The following GALNT13 variants were observed in gnomAD, a reference collection of about 807,000 sequenced individuals.
GALNT13 encodes UDP-GalNAc:polypeptide N-acetylgalactosaminyltransferase 13.
In GALNT13, 28 loss-of-function variants were observed where a neutral mutation model predicts 64.2. The ratio of observed to expected loss-of-function variants is 0.44; its 90% confidence interval spans 0.32 to 0.60. The LOEUF is 0.60. Ranked by LOEUF, GALNT13 falls within the 20% of genes least tolerant of loss-of-function variation. The probability of loss-of-function intolerance (pLI) is 0.05; values close to 1 mark genes in which losing one functional copy is unlikely to be tolerated. For synonymous variants in GALNT13, 214 were observed against 224.6 expected (o/e 0.95, Z 0.42); for missense variants, 577 against 669.8 (o/e 0.86, Z 1.53).
chr2:154,412,664 A>C (rs1288993680), intron 11 of GALNT13, among the ~76,000 whole-genome samples: 1 of 151,782 alleles, frequency 6.6e-6, no homozygotes, highest in Non-Finnish European at 1.5e-5. Flanking sequence ...CTTACTTTTC[A>C]GTAGTTGTTA....
At chr2:153,603,957 G>C in the GALNT13 span, among the ~76,000 whole-genome samples, 1 of 151,970 alleles carries the variant, frequency 6.6e-6, no homozygotes, top group Non-Finnish European at 1.5e-5. Flanking sequence ...TGTTAGGAGA[G>C]CTTCTCCTTT....
At chr2:153,259,212 A>G in the GALNT13 span, among the ~76,000 whole-genome samples, 1 of 152,136 alleles carries the variant, frequency 6.6e-6, no homozygotes, top group African/African-American at 2.4e-5. Flanking sequence ...TTTGTCTTGA[A>G]ATCTATCTTG....
chr2:153,715,814 TTTC>T, the GALNT13 span, among the ~76,000 whole-genome samples: 10,925 of 150,640 alleles, frequency 0.073, 428 homozygotes, highest in Middle Eastern at 0.13. Flanking sequence ...AGCTCCCTCT[TTTC>T]TTCTTCTTCT....
At chr2:153,830,021 AT>A in the GALNT13 span, among the ~76,000 whole-genome samples, 1 of 152,146 alleles carries the variant, frequency 6.6e-6, no homozygotes, top group African/African-American at 2.4e-5. Flanking sequence ...TTAGTATTTC[AT>A]TTTATGAATG....
chr2:153,956,605 T>G (rs538101298), intron 3 of GALNT13, among the ~76,000 whole-genome samples: 1 of 152,282 alleles, frequency 6.6e-6, no homozygotes, highest in East Asian at 1.9e-4. Flanking sequence ...ATATCATTCC[T>G]TGCAAAATAA....
At chr2:153,499,209 C>T in the GALNT13 span, among the ~76,000 whole-genome samples, 4 of 152,082 alleles carry the variant, frequency 2.6e-5, no homozygotes, top group Non-Finnish European at 5.9e-5. Context: ...AACTGGAGGA[C>T]GAGCAAGGTG....
At chr2:153,655,634 G>C in the GALNT13 span, among the ~76,000 whole-genome samples, 1 of 152,030 alleles carries the variant, frequency 6.6e-6, no homozygotes, top group East Asian at 1.9e-4. Context: ...CAGAATTATT[G>C]ATAACTTGAA....
At chr2:153,071,775 T>C in the GALNT13 span, among the ~76,000 whole-genome samples, 1 of 152,224 alleles carries the variant, frequency 6.6e-6, no homozygotes, top group Non-Finnish European at 1.5e-5. Context: ...ACAGCTTGTT[T>C]TTCTATAGCC....
At chr2:154,275,218 A>C (rs1691577250) in intron 8 of GALNT13, among the ~76,000 whole-genome samples, 1 of 152,164 alleles carries the variant, frequency 6.6e-6, no homozygotes. Flanking sequence ...CTGTTGCAGA[A>C]ATTTGCATAA....
chr2:154,333,236 A>T (rs1283640697), intron 9 of GALNT13, among the ~76,000 whole-genome samples: 1 of 152,054 alleles, frequency 6.6e-6, no homozygotes, highest in Non-Finnish European at 1.5e-5. Context: ...AGTGATTATC[A>T]CTGATATTGG....
At chr2:154,371,146 G>A (rs1305705613) in intron 9 of GALNT13, among the ~76,000 whole-genome samples, 1 of 152,088 alleles carries the variant, frequency 6.6e-6, no homozygotes, top group African/African-American at 2.4e-5. Flanking sequence ...GAGTGGTGTT[G>A]ATAGAAGCCA....
the GALNT13 span, among the ~76,000 whole-genome samples, chr2:153,832,056 G>A: frequency 2.0e-5 from 3 of 152,072 alleles, no homozygotes; most frequent in Admixed American, 6.6e-5. Context: ...AATGAAAGAA[G>A]AGAACTGTAT....
the GALNT13 span, among the ~76,000 whole-genome samples, chr2:153,104,314 TCA>T: frequency 6.6e-6 from 1 of 152,204 alleles, no homozygotes; most frequent in Non-Finnish European, 1.5e-5. Context: ...GATACAGCCA[TCA>T]AATAGGTATT....
At chr2:154,434,587 A>G (rs1364058068) in intron 11 of GALNT13, among the ~76,000 whole-genome samples, 1 of 152,158 alleles carries the variant, frequency 6.6e-6, no homozygotes, top group Non-Finnish European at 1.5e-5. Context: ...CATCACCTGT[A>G]TCATTATCAC....
the GALNT13 span, among the ~76,000 whole-genome samples, chr2:153,716,366 G>C: frequency 1.3e-5 from 2 of 152,034 alleles, no homozygotes; most frequent in Non-Finnish European, 2.9e-5. Context: ...TTTTTGTTTT[G>C]TTTGCTCATC....
chr2:153,097,460 T>C, the GALNT13 span, among the ~76,000 whole-genome samples: 2 of 152,184 alleles, frequency 1.3e-5, no homozygotes, highest in African/African-American at 4.8e-5. Context: ...TTTTCTTTTA[T>C]ATTTTTGGTT....
intron 9 of GALNT13, among the ~76,000 whole-genome samples, chr2:154,368,235 A>G (rs1035926329): frequency 6.6e-6 from 1 of 152,200 alleles, no homozygotes; most frequent in African/African-American, 2.4e-5. Flanking sequence ...ACTTTTTCAT[A>G]GAAACCTACA....
the GALNT13 span, among the ~76,000 whole-genome samples, chr2:153,671,239 C>T: frequency 1.3e-5 from 2 of 152,234 alleles, no homozygotes; most frequent in East Asian, 3.9e-4. Context: ...AACCCCAAGA[C>T]ACATGATCGT....
At chr2:154,084,986 G>A (rs933277197) in intron 3 of GALNT13, among the ~76,000 whole-genome samples, 5 of 151,586 alleles carry the variant, frequency 3.3e-5, no homozygotes, top group African/African-American at 1.2e-4. Flanking sequence ...TTAGTTTTTG[G>A]TCTTGTGCAT....
Sources: allele counts gnomAD v4.1 joint callset (sites outside exome capture counted in the v4.1 genomes callset), GRCh38; gene constraint gnomAD v4.1.1; transcripts MANE v1.5; gene names NCBI Gene and HGNC (gene_info 2026-07-23, HGNC 2026-07-21).